The following ABHD12 variants were observed in gnomAD, a reference collection of about 807,000 sequenced individuals.
ABHD12 encodes the protein abhydrolase domain containing 12, lysophospholipase, also known as lysophosphatidylserine lipase ABHD12.
Under a neutral mutation model 58.3 loss-of-function variants are expected in ABHD12, and 43 were observed. That is an observed-to-expected ratio of 0.74 (90% confidence interval 0.58 to 0.95). ABHD12 has a LOEUF of 0.95. Ranked by LOEUF, ABHD12 falls within the 40% of genes least tolerant of loss-of-function variation. The pLI is 0.00. For synonymous variants in ABHD12, 219 were observed against 211.2 expected (o/e 1.04, Z -0.32); for missense variants, 539 against 537.2 (o/e 1.00, Z -0.03).
intron 1 of ABHD12, among the ~76,000 whole-genome samples, chr20:25,365,574 G>A (rs908688807): frequency 6.6e-6 from 1 of 152,130 alleles, no homozygotes; most frequent in East Asian, 1.9e-4. Flanking sequence ...TGTACAGATA[G>A]GACACTCTTA....
intron 1 of ABHD12, among the ~76,000 whole-genome samples, chr20:25,388,596 T>A (rs2090125932): frequency 1.3e-5 from 2 of 152,132 alleles, no homozygotes; most frequent in Non-Finnish European, 2.9e-5. Context: ...TGGTCTTCTT[T>A]CCCTTTGTTT....
Position 25,346,143 on chromosome 20 carries a change from C to T in ABHD12, c.192-6792G>A, listed in dbSNP as rs146235595. Among the ~76,000 whole-genome samples the T allele has an allele frequency of 3.9e-3, 599 of 152,168 alleles. 6 individuals are homozygous for T. Among genetic ancestry groups the T allele is most frequent in the African/African-American group, 0.014 (576 of 41,506 alleles). On this transcript the variant is annotated intron_variant, in intron 1 of 12. Coordinates refer to ENST00000339157, the MANE Select transcript of ABHD12 (RefSeq NM_001042472.3). The stretch of plus-strand genomic sequence containing the variant: ...TTATTCAGTGCTAAACAGAAATCAG[C>T]AATCAAGCCATGAAAAGAACATGGC...
At position 25,380,900 on chromosome 20, in the gene ABHD12, TC is replaced by T. The variant is rs1156528285; in HGVS notation, c.191+9612del. Among the ~76,000 whole-genome samples the T allele has an allele frequency of 1.4e-4, 22 of 152,184 alleles. 1 individual carries two copies. Among genetic ancestry groups the T allele is most frequent in the Admixed American group, 1.4e-3 (22 of 15,274 alleles). On this transcript the variant is annotated intron_variant, in intron 1 of 12. Coordinates refer to ENST00000339157, the MANE Select transcript of ABHD12 (RefSeq NM_001042472.3). ...TATGTCCAAAACCAAACATTACTTC[TC>T]CTGCCCCAAAGCACTTGCTCTTTCC...
At chr20:25,322,381 A>ATATATATATATATATTTTTTTTT in intron 3 of ABHD12, among the ~76,000 whole-genome samples, 26 of 59,262 alleles carry the variant, frequency 4.4e-4, no homozygotes, top group African/African-American at 1.2e-3. Context: ...ATATATATAT[A>ATATATATATATATATTTTTTTTT]TTTTTTTTTT....
intron 2 of ABHD12, among the ~76,000 whole-genome samples, chr20:25,330,450 G>T (rs189671371): frequency 3.9e-5 from 6 of 152,364 alleles, no homozygotes; most frequent in African/African-American, 1.4e-4. Flanking sequence ...CTCAAACTGG[G>T]TGGAGCCCAC....
chr20:25,381,236 C>T (rs1022109801), intron 1 of ABHD12, among the ~76,000 whole-genome samples: 6 of 152,326 alleles, frequency 3.9e-5, no homozygotes, highest in Admixed American at 1.3e-4. Flanking sequence ...ACTGTGCACA[C>T]ACAGCCACAG....
chr20:25,314,446 G>A (rs995975184), intron 6 of ABHD12, among the ~76,000 whole-genome samples: 10 of 152,144 alleles, frequency 6.6e-5, no homozygotes, highest in Non-Finnish European at 5.9e-5. Flanking sequence ...GGAAGGCTGA[G>A]GCAGGAGGAT....
intron 1 of ABHD12, chr20:25,368,525 T>C: frequency 6.7e-7 from 1 of 1,487,262 alleles, no homozygotes; most frequent in Non-Finnish European, 9.4e-7. Context: ...ATCACCAAAT[T>C]TCTCCCCGTA....
Position 25,349,948 on chromosome 20 carries a change from T to C in ABHD12, c.192-10597A>G, listed in dbSNP as rs58189090. ...AATAAAAAATGAAATCTAGGGAACA[T>C]AATGAAAGGCTAACATAATATCACC... is the stretch of plus-strand genomic sequence containing the variant. On this transcript the variant is annotated intron_variant, in intron 1 of 12. Transcript: ENST00000339157. Among the ~76,000 whole-genome samples, 999 of 152,328 alleles carry C rather than the reference T, an allele frequency of 6.6e-3. 16 individuals carry two copies. Among genetic ancestry groups the C allele is most frequent in the African/African-American group, 0.023 (957 of 41,588 alleles).
rs376306392 is a variant in ABHD12 at position 25,325,203 on chromosome 20, C to CAA, written c.317-1775_317-1774dup. On this transcript the variant is annotated intron_variant, in intron 2 of 12. Coordinates refer to ENST00000339157, the MANE Select transcript of ABHD12 (RefSeq NM_001042472.3). ...CCTGAGTGACAGAGAGACCCTGTTT[C>CAA]AAAAAAAAAAAAAAAAAAAAAAAAA... 1.2e-3 allele frequency among the ~76,000 whole-genome samples: 92 copies of CAA among 76,454 alleles called. 1 individual carries two copies. Among genetic ancestry groups the CAA allele is most frequent in the African/African-American group, 1.6e-3 (31 of 19,994 alleles). 50.2% of individuals were successfully genotyped at this position (76,454 alleles called of 152,430 possible).
At chr20:25,310,127 G>A (rs887265888) in intron 6 of ABHD12, 3 of 158,516 alleles carry the variant, frequency 1.9e-5, no homozygotes, top group Non-Finnish European at 2.8e-5. Context: ...GTCCCACTCC[G>A]AGCCCTGACG....
intron 1 of ABHD12, among the ~76,000 whole-genome samples, chr20:25,378,994 C>T (rs1040007254): frequency 2.0e-5 from 3 of 152,226 alleles, no homozygotes; most frequent in African/African-American, 7.2e-5. Flanking sequence ...ACAATGAAGA[C>T]ACTTAGCAAT....
rs41310161 is a variant in ABHD12, at chr20:25,307,100, C to A, written c.868-185G>T. ...GTGCCCTGGCACCTTCTGCCCTGGC[C>A]GTGTCCTGGCTTTGCTGCTAGGAAC... On this transcript the variant is annotated intron_variant, in intron 9 of 12. Coordinates refer to ENST00000339157, the MANE Select transcript of ABHD12 (RefSeq NM_001042472.3). Among the ~76,000 whole-genome samples, 1,003 of 152,318 alleles carry A rather than the reference C, an allele frequency of 6.6e-3. 6 individuals are homozygous for A. Among genetic ancestry groups the A allele is most frequent in the South Asian group, 0.045 (219 of 4,832 alleles).
At chr20:25,314,215 C>A (rs558098593) in intron 6 of ABHD12, among the ~76,000 whole-genome samples, 1 of 152,102 alleles carries the variant, frequency 6.6e-6, no homozygotes, top group Non-Finnish European at 1.5e-5. Flanking sequence ...TCAAGTGATC[C>A]GCCTGCCTCA....
intron 1 of ABHD12, among the ~76,000 whole-genome samples, chr20:25,367,358 T>C (rs949465997): frequency 1.3e-5 from 2 of 152,188 alleles, no homozygotes; most frequent in African/African-American, 2.4e-5. Flanking sequence ...GGCAGAGAAT[T>C]TGCCACATAT....
At chr20:25,390,477 G>GGGCC in intron 1 of ABHD12, 36 bp downstream of exon 1, 10 of 98,392 alleles carry the variant, frequency 1.0e-4, no homozygotes, top group Admixed American at 5.7e-4. Context: ...TGAGGGACCG[G>GGGCC]CCCCCCCCCC....
chr20:25,347,380 T>C (rs1012107891), intron 1 of ABHD12, among the ~76,000 whole-genome samples: 3 of 152,212 alleles, frequency 2.0e-5, no homozygotes, highest in African/African-American at 7.2e-5. Context: ...GATGTGTGAT[T>C]GGGGTATGCT....
intron 1 of ABHD12, chr20:25,368,706 G>A: frequency 7.5e-7 from 1 of 1,324,624 alleles, no homozygotes; most frequent in East Asian, 2.4e-5. Flanking sequence ...ACAGGTTGAA[G>A]GAGACGCGGC....
At position 25,333,227 on chromosome 20, in the gene ABHD12, G is replaced by A. The variant is rs546102754; in HGVS notation, c.316+6000C>T. Among the ~76,000 whole-genome samples, 139 of 110,732 alleles carry A rather than the reference G, an allele frequency of 1.3e-3. 16 individuals carry two copies. Among genetic ancestry groups the A allele is most frequent in the African/African-American group, 3.9e-3 (130 of 33,228 alleles). The allele number at this position is 110,732 out of a possible 152,430, so 72.6% of individuals were successfully genotyped here. On this transcript the variant is annotated intron_variant, in intron 2 of 12. Transcript: ENST00000339157. The stretch of plus-strand genomic sequence containing the variant: ...TCTAGAAGAAATGGATATATTCCTC[G>A]ACACATACACCCTCCGAAGACTAAA...
Sources: gnomAD v4.1 joint callset for allele counts (sites outside exome capture counted in the v4.1 genomes callset) on GRCh38, gnomAD v4.1.1 for gene constraint, MANE v1.5 for transcripts, NCBI Gene and HGNC (gene_info 2026-07-23, HGNC 2026-07-21) for gene names.